LNX1: variants seen among roughly 807,000 people sequenced by gnomAD.
The protein encoded by LNX1 is E3 ubiquitin-protein ligase LNX.
LNX1 carries 54 observed loss-of-function variants against 68.4 expected under a neutral mutation model. The observed-to-expected ratio is 0.79, with a 90% CI of 0.63 to 0.99. The LOEUF is 0.99. Ranked by LOEUF, LNX1 falls within the 50% of genes least tolerant of loss-of-function variation. LNX1 has a pLI of 0.00. For missense variants in LNX1, 906 were observed against 926.4 expected (o/e 0.98, Z 0.29); for synonymous variants, 336 against 350.0 (o/e 0.96, Z 0.45).
At chr4:53,569,278 G>A (rs1483004923) in intron 2 of LNX1, among the ~76,000 whole-genome samples, 1 of 149,308 alleles carries the variant, frequency 6.7e-6, no homozygotes, top group African/African-American at 2.4e-5. Flanking sequence ...CAAGGCTACA[G>A]TAACCAAAAC....
At chr4:53,495,699 C>A (rs1468002253) in intron 6 of LNX1, among the ~76,000 whole-genome samples, 1 of 152,148 alleles carries the variant, frequency 6.6e-6, no homozygotes, top group Non-Finnish European at 1.5e-5. Context: ...CCTGCCACCA[C>A]ACCTGGCTAA....
At chr4:53,576,870 A>G (rs938523498) in intron 1 of LNX1, among the ~76,000 whole-genome samples, 1 of 152,228 alleles carries the variant, frequency 6.6e-6, no homozygotes, top group Admixed American at 6.5e-5. Context: ...CCTTATCTCA[A>G]AAAGAAAATA....
chr4:53,514,895 T>C (rs1726646653), intron 2 of LNX1, among the ~76,000 whole-genome samples: 1 of 152,214 alleles, frequency 6.6e-6, no homozygotes, highest in Admixed American at 6.5e-5. Context: ...CAAGAGAACA[T>C]TTAACTGACA....
At chr4:53,591,542 G>A (rs1732505181), upstream of LNX1, 7 of 985,464 alleles carry the variant, frequency 7.1e-6, 1 homozygote, top group African/African-American at 5.2e-5. Context: ...GGCATTGGTC[G>A]CTCCAGACCA....
rs1553936118 is a variant in LNX1, at chr4:53,541,160, G to GA, written c.380+32462dup. On this transcript the variant is annotated intron_variant, in intron 2 of 10. Coordinates refer to ENST00000263925, the MANE Select transcript of LNX1 (RefSeq NM_001126328.3). ...TCAAAAAAAAAAGAAAAAAAAAAAAGAAAGAAAAGAAAAGAAAGAAAGAAA... is the reference window on the plus strand; with the variant it reads ...TCAAAAAAAAAAGAAAAAAAAAAAAGAAAAGAAAAGAAAAGAAAGAAAGAAA... Among the ~76,000 whole-genome samples the GA allele has an allele frequency of 1.6e-4, 24 of 146,492 alleles. No individual in the cohort carries two copies. In the South Asian group the frequency reaches 4.1e-3, roughly 25 times the overall value.
rs191343606 is a variant in LNX1, at chr4:53,480,956, A to G, written c.1485+764T>C. On this transcript the variant is annotated intron_variant, in intron 7 of 10. Transcript: ENST00000263925. ...GAGAGATGACTGAAAGAAGCTCATC[A>G]GCATCACAACAGGATGCCAAGCCAA... 3.2e-4 allele frequency among the ~76,000 whole-genome samples: 48 copies of G among 152,362 alleles called. 1 individual carries two copies. Among genetic ancestry groups the G allele is most frequent in the Non-Finnish European group, 5.9e-4 (40 of 68,024 alleles).
chr4:53,622,440 A>G (rs1178461579), upstream of LNX1, among the ~76,000 whole-genome samples: 1 of 152,158 alleles, frequency 6.6e-6, no homozygotes, highest in Non-Finnish European at 1.5e-5. Context: ...CTCAGCACAC[A>G]TGAAGTGTGT....
intron 9 of LNX1, among the ~76,000 whole-genome samples, chr4:53,475,260 T>C (rs1465958075): frequency 1.3e-5 from 2 of 152,232 alleles, no homozygotes; most frequent in Non-Finnish European, 2.9e-5. Context: ...AACAAAATAA[T>C]TTTAATAGAT....
At chr4:53,620,632 G>T (rs1733836293), upstream of LNX1, among the ~76,000 whole-genome samples, 1 of 152,070 alleles carries the variant, frequency 6.6e-6, no homozygotes. Context: ...ATGCACTGAA[G>T]TCCCGGATTT....
intron 1 of LNX1, among the ~76,000 whole-genome samples, chr4:53,587,617 G>C (rs1732256120): frequency 6.6e-6 from 1 of 152,136 alleles, no homozygotes; most frequent in South Asian, 2.1e-4. Context: ...CTTACAGACG[G>C]CATTTCGAGT....
intron 2 of LNX1, among the ~76,000 whole-genome samples, chr4:53,557,132 G>C (rs970028375): frequency 6.6e-6 from 1 of 152,202 alleles, no homozygotes; most frequent in Non-Finnish European, 1.5e-5. Context: ...TATCACTAGA[G>C]GTTGGTGACA....
intron 6 of LNX1, among the ~76,000 whole-genome samples, chr4:53,492,096 ATACTT>A (rs1338625881): frequency 7.2e-5 from 11 of 152,106 alleles, no homozygotes; most frequent in Non-Finnish European, 5.9e-5. Context: ...TGAGGATATA[ATACTT>A]TACTTTACTG....
At chr4:53,468,187 C>G (rs1460574919) in intron 9 of LNX1, among the ~76,000 whole-genome samples, 1 of 152,176 alleles carries the variant, frequency 6.6e-6, no homozygotes, top group African/African-American at 2.4e-5. Context: ...GGCCAATATT[C>G]AACATCCTTA....
intron 2 of LNX1, among the ~76,000 whole-genome samples, chr4:53,564,251 G>A (rs1395909874): frequency 6.6e-6 from 1 of 152,224 alleles, no homozygotes; most frequent in South Asian, 2.1e-4. Flanking sequence ...GAAATTCCCA[G>A]TCTGCTTCAG....
intron 1 of LNX1, among the ~76,000 whole-genome samples, chr4:53,636,318 C>T (rs896511166): frequency 2.0e-4 from 30 of 150,898 alleles, no homozygotes; most frequent in African/African-American, 7.3e-4. Context: ...TCCTTCCACA[C>T]ATCACTGTGG....
chr4:53,566,084 A>G (rs1730665730), intron 2 of LNX1, among the ~76,000 whole-genome samples: 2 of 151,912 alleles, frequency 1.3e-5, no homozygotes, highest in South Asian at 2.1e-4. Context: ...GCAGGATATT[A>G]TCCAGGAGAA....
At chr4:53,510,330 A>G (rs939305962) in intron 2 of LNX1, among the ~76,000 whole-genome samples, 13 of 152,244 alleles carry the variant, frequency 8.5e-5, no homozygotes, top group African/African-American at 3.1e-4. Flanking sequence ...TTGCTGTTAT[A>G]TGAACATACC....
At position 53,628,430 on chromosome 4, in the gene LNX1, C is replaced by T. The variant is rs116778496; in HGVS notation, c.-215+23738G>A. On this transcript the variant is annotated intron_variant, in intron 1 of 2. Transcript: ENST00000507168. ...TCATCAGAGAAATGCAAATTAAAAC[C>T]ATGATGAGACACCATATTACTCCTG... 8.4e-3 allele frequency among the ~76,000 whole-genome samples: 1,282 copies of T among 152,026 alleles called. 19 individuals are homozygous for T. Among genetic ancestry groups the T allele is most frequent in the African/African-American group, 0.03 (1,234 of 41,474 alleles).
chr4:53,624,315 TG>T, intron 1 of LNX1, among the ~76,000 whole-genome samples: 1 of 152,260 alleles, frequency 6.6e-6, no homozygotes, highest in East Asian at 1.9e-4. Context: ...AATTGGATCA[TG>T]GGGGCAATTT....
Sources: allele counts gnomAD v4.1 joint callset (sites outside exome capture counted in the v4.1 genomes callset), GRCh38; gene constraint gnomAD v4.1.1; transcripts MANE v1.5; gene names NCBI Gene and HGNC (gene_info 2026-07-23, HGNC 2026-07-21).